GSTCD: variants seen among roughly 807,000 people sequenced by gnomAD.
GSTCD encodes glutathione S-transferase C-terminal domain-containing protein.
In GSTCD, 44 loss-of-function variants were observed where a neutral mutation model predicts 68.3. The ratio of observed to expected loss-of-function variants is 0.64; its 90% CI spans 0.51 to 0.83. GSTCD has a LOEUF of 0.83. Among genes scored for constraint, GSTCD ranks in the 40% least tolerant of loss-of-function variants. The probability of loss-of-function intolerance (pLI) is 0.00; values close to 1 mark genes in which losing one functional copy is unlikely to be tolerated. For missense variants in GSTCD, 739 were observed against 735.9 expected, an observed-to-expected ratio of 1.00 and a Z score of -0.05; for synonymous variants, 273 against 255.2, an observed-to-expected ratio of 1.07 and a Z score of -0.67.
chr4:105,775,575 T>A (rs1011485184), intron 5 of GSTCD, among the ~76,000 whole-genome samples: 1 of 152,184 alleles, frequency 6.6e-6, no homozygotes, highest in African/African-American at 2.4e-5. Flanking sequence ...TCCTTTCTGT[T>A]TATCAGTTTT....
rs184882869 is a variant in GSTCD at position 105,726,695 on chromosome 4, C to T, written c.1011C>T (p.Ile337=). 1.5e-5 allele frequency: 25 copies of T among 1,613,958 alleles called. No individual in the cohort carries two copies. The East Asian group carries it at 5.1e-4, about 33-fold the overall frequency. The change falls in exon 4 of 12, where the codon ATC becomes ATT. Residue 337 remains isoleucine, a synonymous_variant. Transcript: ENST00000515279. The stretch of plus-strand genomic sequence containing the variant: ...AAACAGCAGCTTCTAAGTGTGGGAT[C>T]CAATTTCTCCATTTACCAAAGTTGT... ...GVKTAASKCG[I]QFLHLPKLLT...
chr4:105,725,503 TG>T (rs1733001781), intron 3 of GSTCD, among the ~76,000 whole-genome samples: 1 of 152,152 alleles, frequency 6.6e-6, no homozygotes, highest in African/African-American at 2.4e-5. Context: ...CATTTGGAGT[TG>T]TCAGTGTTTT....
At chr4:105,834,398 G>A in intron 8 of GSTCD, 63 bp from the exon 9 acceptor site, 2 of 1,518,480 alleles carry the variant, frequency 1.3e-6, no homozygotes, top group Admixed American at 3.6e-5. Context: ...TATTTAAAAG[G>A]CATAAAAATT....
intron 5 of GSTCD, among the ~76,000 whole-genome samples, chr4:105,756,787 T>C (rs1207308451): frequency 1.3e-5 from 2 of 151,980 alleles, no homozygotes; most frequent in Non-Finnish European, 1.5e-5. Context: ...GGAGAGACAT[T>C]AGAGATCACC....
chr4:105,845,223 T>A (rs1214360115), intron 11 of GSTCD, among the ~76,000 whole-genome samples: 2 of 152,214 alleles, frequency 1.3e-5, no homozygotes, highest in African/African-American at 4.8e-5. Flanking sequence ...TTCTTTAAAT[T>A]ATTAGCAGAG....
intron 5 of GSTCD, among the ~76,000 whole-genome samples, chr4:105,814,506 G>A (rs1343624761): frequency 4.6e-5 from 7 of 152,166 alleles, no homozygotes; most frequent in South Asian, 2.1e-4. Flanking sequence ...CCAGCTACTC[G>A]GAGGCTGAGG....
chr4:105,821,062 A>G (rs931783214), intron 5 of GSTCD: 1 of 151,814 alleles, frequency 6.6e-6, no homozygotes, highest in African/African-American at 2.4e-5. Context: ...TCCTTACTTC[A>G]TGGTGGCTCC....
chr4:105,788,426 T>G (rs2553471), intron 5 of GSTCD, among the ~76,000 whole-genome samples: 139,099 of 152,022 alleles, frequency 0.91, 63,695 homozygotes, highest in East Asian at 0.96. Context: ...ACTATGTTGT[T>G]CTGTTTTCTC....
At position 105,804,706 on chromosome 4, in the gene GSTCD, C is replaced by T. The variant is rs534609213; in HGVS notation, c.1241-18248C>T. ...TACGCAGGTTTGCTACATAAGTGAA[C>T]GTGTGCCATGTTGGTTTGTGGCACA... On this transcript the variant is annotated intron_variant, in intron 5 of 11. Transcript: ENST00000515279. Among the ~76,000 whole-genome samples, 7 of 152,128 alleles carry T rather than the reference C, an allele frequency of 4.6e-5. No homozygotes were observed. In the East Asian group the frequency reaches 7.7e-4, roughly 17 times the overall value.
chr4:105,823,414 A>C lies in GSTCD; in HGVS notation c.1401+139A>C, dbSNP rs1723413209. 8 of 584,268 alleles carry C rather than the reference A, an allele frequency of 1.4e-5. No individual in the cohort carries two copies. In the East Asian group the frequency reaches 2.3e-4, roughly 17 times the overall value. 36.2% of individuals were successfully genotyped at this position (584,268 alleles called of 1,614,324 possible). A position where few individuals can be genotyped will look rare whatever the true frequency, so the allele number is the denominator to read the frequency against. On this transcript the variant is annotated intron_variant, in intron 7 of 11. Coordinates refer to ENST00000515279, the MANE Select transcript of GSTCD (RefSeq NM_001370181.1). The stretch of plus-strand genomic sequence containing the variant: ...TGGCACAGGCATTGTCTTTTCTTTG[A>C]AATAAACTTTCAAGACTCAGAATCT...
intron 11 of GSTCD, 102 bp downstream of exon 11, chr4:105,842,236 A>G (rs1030906682): frequency 2.7e-5 from 22 of 820,274 alleles, no homozygotes; most frequent in East Asian, 7.6e-5. Flanking sequence ...CATGAAGTCT[A>G]TTTTTCAATG....
intron 5 of GSTCD, among the ~76,000 whole-genome samples, chr4:105,812,717 C>T (rs1383400979): frequency 4.6e-5 from 7 of 151,996 alleles, no homozygotes; most frequent in Admixed American, 2.0e-4. Context: ...CCAGCACTCC[C>T]ACCACATGAC....
intron 5 of GSTCD, among the ~76,000 whole-genome samples, chr4:105,810,963 G>A (rs567277756): frequency 6.6e-6 from 1 of 152,066 alleles, no homozygotes; most frequent in South Asian, 2.1e-4. Context: ...CATTGGAACT[G>A]GATTTTAAAG....
intron 5 of GSTCD, among the ~76,000 whole-genome samples, chr4:105,748,912 C>T (rs1394522042): frequency 6.6e-6 from 1 of 151,786 alleles, no homozygotes; most frequent in Non-Finnish European, 1.5e-5. Flanking sequence ...TTAAACATTC[C>T]TTATATTAAC....
chr4:105,766,216 T>C (rs1275568646), intron 5 of GSTCD, among the ~76,000 whole-genome samples: 10 of 152,152 alleles, frequency 6.6e-5, no homozygotes, highest in Non-Finnish European at 1.0e-4. Flanking sequence ...GCAGTGTTAC[T>C]GAAACCCAGG....
Position 105,728,245 on chromosome 4 carries a change from A to G in GSTCD, c.1147-1161A>G, listed in dbSNP as rs531939035. ...ATGATTGAACAATTGTGAATATTAT[A>G]AAAACCACTGAATTGGATACTTTAA... On this transcript the variant is annotated intron_variant, in intron 4 of 11. Coordinates refer to ENST00000515279, the MANE Select transcript of GSTCD (RefSeq NM_001370181.1). Among the ~76,000 whole-genome samples, 16 of 152,330 alleles carry G rather than the reference A, an allele frequency of 1.1e-4. No homozygotes were observed. The South Asian group carries it at 3.3e-3, about 32-fold the overall frequency.
intron 5 of GSTCD, among the ~76,000 whole-genome samples, chr4:105,814,534 C>T (rs1168800658): frequency 1.3e-5 from 2 of 152,096 alleles, no homozygotes; most frequent in African/African-American, 4.8e-5. Flanking sequence ...ATTGCTTGAA[C>T]CCTGGAGGCA....
intron 5 of GSTCD, among the ~76,000 whole-genome samples, chr4:105,779,561 T>C (rs752021899): frequency 3.9e-5 from 6 of 152,250 alleles, no homozygotes; most frequent in Non-Finnish European, 7.3e-5. Flanking sequence ...TGCAAGGTTC[T>C]CTGTCAAATT....
At chr4:105,730,195 A>G (rs529374010) in intron 5 of GSTCD, among the ~76,000 whole-genome samples, 21 of 152,302 alleles carry the variant, frequency 1.4e-4, no homozygotes, top group Admixed American at 7.8e-4. Context: ...TAGTGCCGCA[A>G]TGAACATACA....
Sources: gnomAD v4.1 joint callset for allele counts (sites outside exome capture counted in the v4.1 genomes callset) on GRCh38, gnomAD v4.1.1 for gene constraint, MANE v1.5 for transcripts, NCBI Gene and HGNC (gene_info 2026-07-23, HGNC 2026-07-21) for gene names.